Variants in TEX9 observed in about 807,000 individuals in gnomAD.
TEX9 encodes testis-expressed protein 9.
Under a neutral mutation model 59.6 loss-of-function variants are expected in TEX9, and 74 were observed. That is an observed-to-expected ratio of 1.24 (90% CI 1.03 to 1.51). The LOEUF (loss-of-function observed/expected upper bound fraction) is 1.51, where lower values mean the gene tolerates loss of function less well. Among genes scored for constraint, TEX9 ranks in the 40% most tolerant of loss-of-function variants. The pLI is 0.00. For missense variants in TEX9, 522 were observed against 447.8 expected (o/e 1.17, Z -1.49); for synonymous variants, 186 against 152.2 (o/e 1.22, Z -1.64).
chr15:56,400,952 G>C (rs1254169466), intron 9 of TEX9, among the ~76,000 whole-genome samples: 2 of 152,080 alleles, frequency 1.3e-5, no homozygotes, highest in East Asian at 1.9e-4. Context: ...TTCACCACCA[G>C]GCCTGCCTTA....
chr15:56,297,751 C>A lies in TEX9; in HGVS notation c.-107+53473C>A, dbSNP rs1327558827. ...AATGCCTGCCATCAGGCAATCCACC[C>A]GCCTTGGCCTCCCAAAGCGCTGGGG... is the stretch of plus-strand genomic sequence containing the variant. On this transcript the variant is annotated intron_variant, in intron 1 of 5. Transcript: ENST00000560827. Among the ~76,000 whole-genome samples, 24 of 152,200 alleles carry A rather than the reference C, an allele frequency of 1.6e-4. 1 individual carries two copies. The highest frequency in any genetic ancestry group is 1.4e-3 in the Admixed American group (21 of 15,292).
At position 56,373,435 on chromosome 15, in the gene TEX9, T is replaced by G; in HGVS notation, c.120-6T>G. 1 of 1,589,780 alleles carries G rather than the reference T, an allele frequency of 6.3e-7. No individual in the cohort carries two copies. The highest frequency in any genetic ancestry group is 8.5e-7 in the Non-Finnish European group (1 of 1,172,280). On this transcript the variant is annotated splice_polypyrimidine_tract_variant and splice_region_variant and intron_variant, in intron 2 of 12. Transcript: ENST00000352903. The stretch of plus-strand genomic sequence containing the variant: ...TCAGTATATCCCAATTATTTTCTGC[T>G]TTTAGGCGTTTAAATGCAGAATTGC...
chr15:56,355,706 C>G (rs1218870757), intron 1 of TEX9, among the ~76,000 whole-genome samples: 2 of 152,080 alleles, frequency 1.3e-5, no homozygotes, highest in African/African-American at 4.8e-5. Context: ...GTCCACCAAT[C>G]CATGAACACA....
chr15:56,284,667 A>G (rs1013145573), intron 1 of TEX9, among the ~76,000 whole-genome samples: 1 of 152,170 alleles, frequency 6.6e-6, no homozygotes, highest in Non-Finnish European at 1.5e-5. Context: ...CAGTATTTCC[A>G]GTCCTATTTG....
At chr15:56,365,598 C>G in exon 2 of TEX9, 1 of 1,614,218 alleles carries the variant, frequency 6.2e-7, no homozygotes, top group Non-Finnish European at 8.5e-7. Context: ...GTTCCAGGGA[C>G]TCCGTTCCCG....
chr15:56,280,080 G>A (rs1439711151), intron 1 of TEX9, among the ~76,000 whole-genome samples: 4 of 152,216 alleles, frequency 2.6e-5, no homozygotes, highest in African/African-American at 9.7e-5. Flanking sequence ...ATAGGATAAT[G>A]TAAGTGTTAT....
intron 1 of TEX9, among the ~76,000 whole-genome samples, chr15:56,336,577 G>T (rs2046261584): frequency 6.6e-6 from 1 of 152,128 alleles, no homozygotes; most frequent in African/African-American, 2.4e-5. Context: ...ACACCACCCA[G>T]TGTATGGTAC....
chr15:56,459,328 T>C, the TEX9 span, among the ~76,000 whole-genome samples: 4 of 152,360 alleles, frequency 2.6e-5, no homozygotes, highest in East Asian at 3.9e-4. Context: ...TTCCATTGTA[T>C]AGATGTAACA....
intron 2 of TEX9, among the ~76,000 whole-genome samples, chr15:56,370,198 T>C (rs1410298828): frequency 2.0e-5 from 3 of 152,172 alleles, no homozygotes; most frequent in Admixed American, 2.0e-4. Context: ...GGGTTTTCAT[T>C]ATGTCTTTAT....
chr15:56,359,893 C>G (rs999815965), intron 1 of TEX9, among the ~76,000 whole-genome samples: 7 of 152,130 alleles, frequency 4.6e-5, no homozygotes, highest in Non-Finnish European at 8.8e-5. Flanking sequence ...TCTTTATCAA[C>G]TTGAGGATAT....
intron 1 of TEX9, among the ~76,000 whole-genome samples, chr15:56,341,768 A>G (rs914860909): frequency 1.6e-4 from 25 of 152,296 alleles, no homozygotes; most frequent in African/African-American, 5.8e-4. Context: ...AAATATGCAA[A>G]AACATTGATA....
chr15:56,315,036 A>C (rs1236609696), intron 1 of TEX9, among the ~76,000 whole-genome samples: 1 of 150,982 alleles, frequency 6.6e-6, no homozygotes, highest in Non-Finnish European at 1.5e-5. Flanking sequence ...TTTTGAGCCT[A>C]TGTGTGTCTC....
intron 10 of TEX9, among the ~76,000 whole-genome samples, chr15:56,416,417 CATAAA>C (rs1160315307): frequency 6.6e-6 from 1 of 151,866 alleles, no homozygotes; most frequent in Non-Finnish European, 1.5e-5. Context: ...GAGTTTTTAA[CATAAA>C]GGGTGTTGAA....
intron 12 of TEX9, among the ~76,000 whole-genome samples, chr15:56,445,401 G>A (rs2050889890): frequency 1.3e-5 from 2 of 151,912 alleles, no homozygotes; most frequent in East Asian, 1.9e-4. Flanking sequence ...TTTAAACTAC[G>A]CTTTACTTTT....
chr15:56,434,007 TTATATA>T, intron 12 of TEX9: 2 of 985,386 alleles, frequency 2.0e-6, no homozygotes, highest in Non-Finnish European at 2.8e-6. Flanking sequence ...GTCAGAAAAT[TTATATA>T]TATATTAGTA....
intron 1 of TEX9, among the ~76,000 whole-genome samples, chr15:56,270,681 T>C (rs573910643): frequency 6.6e-6 from 1 of 152,232 alleles, no homozygotes. Flanking sequence ...GTTATTATGA[T>C]GTTAGTTGCT....
intron 9 of TEX9, among the ~76,000 whole-genome samples, chr15:56,402,990 TA>T (rs1160504916): frequency 1.3e-5 from 2 of 152,156 alleles, no homozygotes; most frequent in Non-Finnish European, 2.9e-5. Context: ...TATCTCAAAA[TA>T]ATAAGAGCTA....
At chr15:56,430,107 A>G (rs1175955386) in intron 12 of TEX9, 23 of 152,300 alleles carry the variant, frequency 1.5e-4, no homozygotes, top group African/African-American at 5.5e-4. Context: ...ATAAATATGC[A>G]CTTGATTCTA....
chr15:56,411,236 G>A (rs1286241615), intron 9 of TEX9, among the ~76,000 whole-genome samples: 2 of 152,128 alleles, frequency 1.3e-5, no homozygotes, highest in South Asian at 2.1e-4. Context: ...TTTAACTAAC[G>A]TGTGTTAGTG....
Sources: allele counts gnomAD v4.1 joint callset (sites outside exome capture counted in the v4.1 genomes callset), GRCh38; gene constraint gnomAD v4.1.1; transcripts MANE v1.5; gene names NCBI Gene and HGNC (gene_info 2026-07-23, HGNC 2026-07-21).